Variants in EHHADH observed in about 807,000 individuals in gnomAD.
The protein encoded by EHHADH is enoyl-CoA hydratase and 3-hydroxyacyl CoA dehydrogenase, also known as peroxisomal bifunctional enzyme.
EHHADH carries 48 observed loss-of-function variants against 64.4 expected under a neutral mutation model. The observed-to-expected ratio is 0.75, with a 90% CI of 0.59 to 0.95. EHHADH has a LOEUF of 0.95. EHHADH is among the 40% of genes least tolerant of loss of function. EHHADH has a pLI of 0.00. For missense variants in EHHADH, 854 were observed against 876.6 expected, an observed-to-expected ratio of 0.97 and a Z score of 0.33; for synonymous variants, 308 against 326.7, an observed-to-expected ratio of 0.94 and a Z score of 0.62.
intron 2 of EHHADH, among the ~76,000 whole-genome samples, chr3:185,241,890 G>C (rs1303108582): frequency 1.3e-5 from 2 of 152,026 alleles, no homozygotes; most frequent in Non-Finnish European, 2.9e-5. Flanking sequence ...TGTCTAGAAG[G>C]GTTTTTCCAA....
intron 4 of EHHADH, among the ~76,000 whole-genome samples, chr3:185,226,528 A>G (rs1342021633): frequency 6.6e-6 from 1 of 152,110 alleles, no homozygotes; most frequent in Non-Finnish European, 1.5e-5. Flanking sequence ...GCATTTCTGT[A>G]ATCCCAGTTA....
At chr3:185,200,277 T>C (rs1220196474) in intron 6 of EHHADH, among the ~76,000 whole-genome samples, 2 of 152,194 alleles carry the variant, frequency 1.3e-5, no homozygotes, top group Non-Finnish European at 1.5e-5. Flanking sequence ...ATAGGATGTA[T>C]CAGTCATCAG....
chr3:185,242,797 C>A (rs1444806736), intron 2 of EHHADH, among the ~76,000 whole-genome samples: 1 of 152,192 alleles, frequency 6.6e-6, no homozygotes, highest in Non-Finnish European at 1.5e-5. Context: ...ACCCACCTCC[C>A]AGCTGCATAA....
intron 6 of EHHADH, among the ~76,000 whole-genome samples, chr3:185,198,440 C>T (rs927192547): frequency 1.0e-4 from 15 of 150,550 alleles, no homozygotes; most frequent in Admixed American, 5.3e-4. Context: ...AGGCTGGTCT[C>T]GAACTCCTGA....
chr3:185,243,904 G>A (rs1719521500), intron 2 of EHHADH, among the ~76,000 whole-genome samples: 1 of 152,172 alleles, frequency 6.6e-6, no homozygotes, highest in Non-Finnish European at 1.5e-5. Flanking sequence ...TAGTTTCTTT[G>A]TTGATTTTCT....
At position 185,229,464 on chromosome 3, in the gene EHHADH, C is replaced by T. The variant is rs945706526; in HGVS notation, c.431G>A (p.Gly144Glu). 2.6e-6 allele frequency: 4 copies of T among 1,567,384 alleles called. No homozygotes were observed. The highest frequency in any genetic ancestry group is 3.5e-6 in the Non-Finnish European group (4 of 1,152,586). The change falls in exon 4 of 7, where the codon GGA becomes GAA. Residue 144 changes from glycine to glutamate, a missense_variant. Transcript: ENST00000231887. Reference protein sequence around the residue: ...RGTQLLPRLTGVPAALDLITS... With the variant: ...RGTQLLPRLTEVPAALDLITS... ...AATTAAGTCAAGTGCAGCAGGAACT[C>T]CAGTGAGTCTGGGGAGAAGCTGGGT... is the stretch of plus-strand genomic sequence containing the variant.
At chr3:185,232,448 AT>A (rs898988000) in intron 3 of EHHADH, among the ~76,000 whole-genome samples, 1 of 151,792 alleles carries the variant, frequency 6.6e-6, no homozygotes, top group East Asian at 1.9e-4. Flanking sequence ...ACTTATAATG[AT>A]TTTTTTTCTT....
chr3:185,237,504 T>C (rs935956870), intron 2 of EHHADH, among the ~76,000 whole-genome samples: 2 of 152,228 alleles, frequency 1.3e-5, no homozygotes, highest in Non-Finnish European at 2.9e-5. Context: ...TCAAAATGGA[T>C]ACCTTTTGCC....
intron 6 of EHHADH, among the ~76,000 whole-genome samples, chr3:185,203,304 T>A (rs1461283677): frequency 6.6e-6 from 1 of 152,130 alleles, no homozygotes; most frequent in African/African-American, 2.4e-5. Flanking sequence ...AGGATCTGGA[T>A]AAAAAGTATA....
chr3:185,244,453 C>G (rs1340674807), intron 2 of EHHADH, among the ~76,000 whole-genome samples: 1 of 152,094 alleles, frequency 6.6e-6, no homozygotes, highest in Non-Finnish European at 1.5e-5. Flanking sequence ...ATGAAATTAG[C>G]CTGTAATTTT....
At chr3:185,194,874 A>G (rs1718019347) in intron 6 of EHHADH, among the ~76,000 whole-genome samples, 1 of 148,220 alleles carries the variant, frequency 6.7e-6, no homozygotes, top group African/African-American at 2.5e-5. Flanking sequence ...GTCATTGCAA[A>G]AGGATAGACA....
chr3:185,198,322 G>A (rs980012228), intron 6 of EHHADH, among the ~76,000 whole-genome samples: 12 of 151,918 alleles, frequency 7.9e-5, no homozygotes, highest in Non-Finnish European at 1.2e-4. Flanking sequence ...GAGTTCAAGC[G>A]ATTCTCGTGC....
intron 2 of EHHADH, among the ~76,000 whole-genome samples, chr3:185,247,170 A>G (rs1265958746): frequency 6.6e-6 from 1 of 152,232 alleles, no homozygotes; most frequent in Non-Finnish European, 1.5e-5. Flanking sequence ...GTATTTCAGA[A>G]GAATGTATAT....
At chr3:185,230,142 T>A (rs142233053) in intron 3 of EHHADH, among the ~76,000 whole-genome samples, 1 of 152,178 alleles carries the variant, frequency 6.6e-6, no homozygotes, top group South Asian at 2.1e-4. Flanking sequence ...CCCACTAAGA[T>A]GGCTATTTAA....
At chr3:185,248,570 A>G (rs1048922656) in intron 1 of EHHADH, 53 bp from the exon 2 acceptor site, 3 of 1,343,160 alleles carry the variant, frequency 2.2e-6, no homozygotes, top group African/African-American at 1.5e-5. Flanking sequence ...AATTCCTACC[A>G]TTCAGAGTGT....
intron 6 of EHHADH, among the ~76,000 whole-genome samples, chr3:185,204,056 C>G (rs891960752): frequency 6.8e-6 from 1 of 146,668 alleles, no homozygotes; most frequent in Admixed American, 6.9e-5. Flanking sequence ...TCACTTGAAC[C>G]TGGGAGGTGG....
intron 4 of EHHADH, among the ~76,000 whole-genome samples, chr3:185,223,865 T>C (rs921850969): frequency 3.9e-5 from 6 of 152,220 alleles, no homozygotes; most frequent in African/African-American, 1.4e-4. Flanking sequence ...CAGGACACTG[T>C]AGTCCTGTCA....
rs780747092 is a variant in EHHADH, at chr3:185,253,963, C to T, written c.60G>A (p.Pro20=). 1.2e-6 allele frequency: 2 copies of T among 1,613,960 alleles called. No individual in the cohort carries two copies. Among genetic ancestry groups the T allele is most frequent in the Admixed American group, 1.7e-5 (1 of 60,024 alleles). The part of the protein sequence containing the change: ...ALALIRLRNP[P]VNAISTTLLR... Reference sequence around the variant, plus strand: ...GAGCCCGTTACCTGATCGCGTTGACCGGCGGGTTTCGGAGGCGGATTAGCG... The same window carrying T: ...GAGCCCGTTACCTGATCGCGTTGACTGGCGGGTTTCGGAGGCGGATTAGCG... The change falls in exon 1 of 7, where the codon CCG becomes CCA. Residue 20 remains proline (P), a synonymous_variant. Coordinates refer to ENST00000231887, the MANE Select transcript of EHHADH (RefSeq NM_001966.4).
intron 2 of EHHADH, among the ~76,000 whole-genome samples, chr3:185,236,528 T>A (rs1283624951): frequency 6.6e-6 from 1 of 152,202 alleles, no homozygotes; most frequent in Non-Finnish European, 1.5e-5. Flanking sequence ...ACATTATACA[T>A]AGTAAGCTTT....
Sources: allele counts gnomAD v4.1 joint callset (sites outside exome capture counted in the v4.1 genomes callset), GRCh38; gene constraint gnomAD v4.1.1; transcripts MANE v1.5; gene names NCBI Gene and HGNC (gene_info 2026-07-23, HGNC 2026-07-21).